SRPK2: variants seen among roughly 807,000 people sequenced by gnomAD.
The protein encoded by SRPK2 is SFRS protein kinase 2.
In SRPK2, 21 loss-of-function variants were observed where a neutral mutation model predicts 90.8. The ratio of observed to expected loss-of-function variants is 0.23; its 90% CI spans 0.16 to 0.33. The LOEUF (loss-of-function observed/expected upper bound fraction) is 0.33. Among genes scored for constraint, SRPK2 ranks in the 10% least tolerant of loss-of-function variants. The probability of loss-of-function intolerance (pLI) is 1.00; values close to 1 mark genes in which losing one functional copy is unlikely to be tolerated. For synonymous variants in SRPK2, 288 were observed against 311.1 expected (o/e 0.93, Z 0.78); for missense variants, 620 against 869.0 (o/e 0.71, Z 3.60).
intron 2 of SRPK2, among the ~76,000 whole-genome samples, chr7:105,364,130 A>G (rs897714810): frequency 6.6e-6 from 1 of 152,176 alleles, no homozygotes; most frequent in African/African-American, 2.4e-5. Flanking sequence ...ACATGTATAC[A>G]TATGTAACAA....
chr7:105,138,935 G>A (rs554509409), intron 11 of SRPK2, among the ~76,000 whole-genome samples: 1 of 152,356 alleles, frequency 6.6e-6, no homozygotes, highest in African/African-American at 2.4e-5. Flanking sequence ...AATATGTGTA[G>A]CATGCAGTGT....
intron 6 of SRPK2, among the ~76,000 whole-genome samples, chr7:105,162,418 T>C (rs1362999236): frequency 2.0e-5 from 3 of 152,200 alleles, no homozygotes; most frequent in Non-Finnish European, 4.4e-5. Context: ...TATATTCATG[T>C]CATTCATACA....
intron 13 of SRPK2, among the ~76,000 whole-genome samples, chr7:105,128,577 A>G (rs1052414022): frequency 1.3e-5 from 2 of 152,220 alleles, no homozygotes; most frequent in African/African-American, 4.8e-5. Context: ...ACAAGCTAAG[A>G]GAAAAATCTG....
upstream of SRPK2, among the ~76,000 whole-genome samples, chr7:105,392,868 A>G (rs574647830): frequency 6.6e-6 from 1 of 150,836 alleles, no homozygotes; most frequent in East Asian, 2.0e-4. Flanking sequence ...GCTGGAGTGC[A>G]GTGGTGTGAT....
intron 7 of SRPK2, among the ~76,000 whole-genome samples, chr7:105,158,365 C>T (rs536975648): frequency 6.6e-6 from 1 of 152,140 alleles, no homozygotes; most frequent in East Asian, 1.9e-4. Context: ...AGTAATTCTC[C>T]TGCCTCAGCT....
intron 11 of SRPK2, among the ~76,000 whole-genome samples, chr7:105,141,704 C>T (rs769401889): frequency 5.3e-5 from 8 of 152,154 alleles, no homozygotes; most frequent in Non-Finnish European, 8.8e-5. Flanking sequence ...AACTAAACTA[C>T]ACATTCTAGA....
chr7:105,365,705 G>GTGAGCTTA (rs1398810585), intron 2 of SRPK2, among the ~76,000 whole-genome samples: 4 of 151,526 alleles, frequency 2.6e-5, no homozygotes, highest in African/African-American at 9.7e-5. Flanking sequence ...GGACTGAGAT[G>GTGAGCTTA]GGAGGATCAT....
Position 105,267,769 on chromosome 7 carries a change from AT to A in SRPK2, c.72-63985del, listed in dbSNP as rs34026315. On this transcript the variant is annotated intron_variant, in intron 2 of 15. Coordinates refer to ENST00000393651, the MANE Select transcript of SRPK2 (RefSeq NM_182692.3). ...TTTACCATGGTAGGTTCTTCAACTC[AT>A]TTTTTTTGTATTTTTTCTGTATCAT... Among the ~76,000 whole-genome samples, 21 of 151,868 alleles carry A rather than the reference AT, an allele frequency of 1.4e-4. No individual in the cohort carries two copies. In the East Asian group the frequency reaches 3.3e-3, roughly 24 times the overall value.
chr7:105,259,829 C>T (rs1008309044), intron 2 of SRPK2, among the ~76,000 whole-genome samples: 3 of 151,844 alleles, frequency 2.0e-5, no homozygotes, highest in Non-Finnish European at 4.4e-5. Context: ...AACTGGCTAG[C>T]CATATGTAGA....
chr7:105,259,268 G>T (rs1009017767), intron 2 of SRPK2, among the ~76,000 whole-genome samples: 1 of 152,150 alleles, frequency 6.6e-6, no homozygotes, highest in African/African-American at 2.4e-5. Context: ...AATCATGAGT[G>T]AACTCCCATT....
At chr7:105,140,569 C>G (rs149137975) in intron 11 of SRPK2, among the ~76,000 whole-genome samples, 5,179 of 148,442 alleles carry the variant, frequency 0.035, 317 homozygotes, top group African/African-American at 0.12. Flanking sequence ...CCACTGCACT[C>G]CAGCCTGGGC....
At chr7:105,141,116 C>A (rs979719828) in intron 11 of SRPK2, among the ~76,000 whole-genome samples, 6 of 152,182 alleles carry the variant, frequency 3.9e-5, no homozygotes, top group Admixed American at 6.5e-5. Flanking sequence ...GGAACAGGAG[C>A]TGACCACGTC....
At chr7:105,221,865 C>T (rs978221520) in intron 2 of SRPK2, among the ~76,000 whole-genome samples, 1 of 152,180 alleles carries the variant, frequency 6.6e-6, no homozygotes, top group African/African-American at 2.4e-5. Flanking sequence ...AATCACAGGG[C>T]TATAAACAAA....
At chr7:105,351,049 G>A (rs1203792818) in intron 2 of SRPK2, among the ~76,000 whole-genome samples, 1 of 152,144 alleles carries the variant, frequency 6.6e-6, no homozygotes, top group Non-Finnish European at 1.5e-5. Context: ...GTATTATGAG[G>A]CAGGTCTTTA....
In SRPK2 at chr7:105,388,852, G is replaced by T. The variant is rs1309592336; in HGVS notation, c.-46C>A. 1.5e-6 allele frequency: 2 copies of T among 1,314,614 alleles called. No homozygotes were observed. The highest frequency in any genetic ancestry group is 1.9e-6 in the Non-Finnish European group (2 of 1,037,924). 81.4% of individuals were successfully genotyped at this position (1,314,614 alleles called of 1,614,324 possible). ...GCGGGGGGCTTCGCGACGGCGACGC[G>T]GGCGCCGAGACGAGCTGGGCTGCAG... is the stretch of plus-strand genomic sequence containing the variant. On this transcript the variant is annotated 5_prime_UTR_variant, in exon 1 of 16. Coordinates refer to ENST00000393651, the MANE Select transcript of SRPK2 (RefSeq NM_182692.3).
At chr7:105,368,429 A>T (rs1563296369) in intron 2 of SRPK2, among the ~76,000 whole-genome samples, 1 of 152,138 alleles carries the variant, frequency 6.6e-6, no homozygotes, top group African/African-American at 2.4e-5. Context: ...TCTTACAATA[A>T]TCTCTCTTTG....
In SRPK2 at chr7:105,256,512, T is replaced by G. The variant is rs566527226; in HGVS notation, c.72-52727A>C. 3.9e-5 allele frequency among the ~76,000 whole-genome samples: 6 copies of G among 152,246 alleles called. No individual in the cohort carries two copies. The South Asian group carries it at 1.2e-3, about 32-fold the overall frequency. On this transcript the variant is annotated intron_variant, in intron 2 of 15. Coordinates refer to ENST00000393651, the MANE Select transcript of SRPK2 (RefSeq NM_182692.3). ...TTGGGACTACAGGTACACATCACCA[T>G]GCCCAACTTATTTTTAAATTATTTT...
At chr7:105,178,310 C>G (rs557564351) in intron 3 of SRPK2, among the ~76,000 whole-genome samples, 1 of 152,254 alleles carries the variant, frequency 6.6e-6, no homozygotes, top group African/African-American at 2.4e-5. Context: ...AATGAAGCCT[C>G]TGGCACAACC....
At chr7:105,364,405 G>A (rs1056961255) in intron 2 of SRPK2, among the ~76,000 whole-genome samples, 2 of 133,906 alleles carry the variant, frequency 1.5e-5, no homozygotes, top group Non-Finnish European at 3.1e-5. Flanking sequence ...CGTGTGTAAC[G>A]TTTTTTTTTT....
Sources: allele counts gnomAD v4.1 joint callset (sites outside exome capture counted in the v4.1 genomes callset), GRCh38; gene constraint gnomAD v4.1.1; transcripts MANE v1.5; gene names NCBI Gene and HGNC (gene_info 2026-07-23, HGNC 2026-07-21).